The following FAM78B variants were observed in gnomAD, a reference collection of about 807,000 sequenced individuals.
FAM78B encodes family with sequence similarity 78 member B.
Under a neutral mutation model 20.0 loss-of-function variants are expected in FAM78B, and 10 were observed. That is an observed-to-expected ratio of 0.50 (90% CI 0.31 to 0.85). FAM78B has a LOEUF of 0.85. Ranked by LOEUF, FAM78B falls within the 40% of genes least tolerant of loss-of-function variation. The pLI, the probability that FAM78B is intolerant of heterozygous loss-of-function variation, is 0.05. For missense variants in FAM78B, 283 were observed against 345.0 expected (o/e 0.82, Z 1.42); for synonymous variants, 135 against 132.8 (o/e 1.02, Z -0.12).
intron 1 of FAM78B, among the ~76,000 whole-genome samples, chr1:166,117,770 A>G (rs1654314362): frequency 6.6e-6 from 1 of 152,148 alleles, no homozygotes; most frequent in Non-Finnish European, 1.5e-5. Context: ...ATGAATTGGG[A>G]CCTAGGGGCT....
intron 1 of FAM78B, among the ~76,000 whole-genome samples, chr1:166,079,697 T>C (rs879617611): frequency 6.6e-5 from 10 of 152,184 alleles, no homozygotes; most frequent in Non-Finnish European, 1.0e-4. Context: ...AATGTAAACA[T>C]AGCCTTCAGG....
Position 166,157,036 on chromosome 1 carries a change from AGGGG to A in FAM78B, c.263+8946_263+8949del, listed in dbSNP as rs796777949. Among the ~76,000 whole-genome samples the A allele has an allele frequency of 0.019, 18 of 946 alleles. 6 individuals are homozygous for A. The South Asian group carries it at 0.62, about 33-fold the overall frequency. The allele number at this position is 946 out of a possible 152,430, so 0.6% of individuals were successfully genotyped here. On this transcript the variant is annotated intron_variant, in intron 1 of 1. Coordinates refer to ENST00000354422, the MANE Select transcript of FAM78B (RefSeq NM_001017961.5). ...TGACATGACGTCAAGGGGGCGGCGG[AGGGG>A]GGGGGGGGGCTCCAATGCCTTCCTC... is the stretch of plus-strand genomic sequence containing the variant.
rs1654351103 is a variant in FAM78B, at chr1:166,118,646, A to G, written c.263+47340T>C. On this transcript the variant is annotated intron_variant, in intron 1 of 1. Coordinates refer to ENST00000354422, the MANE Select transcript of FAM78B (RefSeq NM_001017961.5). ...TATCACGGCAGAGCTGAGTGGTTGC[A>G]AAAGAGACCTTACAGCTCACTAAGC... Among the ~76,000 whole-genome samples, 3 of 152,152 alleles carry G rather than the reference A, an allele frequency of 2.0e-5. No individual in the cohort carries two copies. In the South Asian group the frequency reaches 6.2e-4, roughly 32 times the overall value.
chr1:166,089,415 C>A (rs1652977568), intron 1 of FAM78B, among the ~76,000 whole-genome samples: 1 of 152,036 alleles, frequency 6.6e-6, no homozygotes, highest in African/African-American at 2.4e-5. Flanking sequence ...CAGGTAGCGA[C>A]AAGGGGCAAG....
intron 1 of FAM78B, among the ~76,000 whole-genome samples, chr1:166,157,888 A>G (rs1349555150): frequency 6.6e-6 from 1 of 152,104 alleles, no homozygotes; most frequent in Non-Finnish European, 1.5e-5. Context: ...CCCTGCTCCC[A>G]AGGAATGTGC....
chr1:166,103,732 G>A (rs1256632636), intron 1 of FAM78B, among the ~76,000 whole-genome samples: 2 of 152,112 alleles, frequency 1.3e-5, no homozygotes, highest in African/African-American at 4.8e-5. Context: ...ACCAAAAAAA[G>A]TCCAGGTCCA....
chr1:166,105,471 A>C (rs1653734447), intron 1 of FAM78B, among the ~76,000 whole-genome samples: 1 of 152,206 alleles, frequency 6.6e-6, no homozygotes. Flanking sequence ...CAAAGGGCTA[A>C]TATCCAGAAT....
intron 1 of FAM78B, among the ~76,000 whole-genome samples, chr1:166,135,816 C>A (rs983786632): frequency 9.2e-5 from 14 of 152,288 alleles, no homozygotes; most frequent in African/African-American, 3.4e-4. Flanking sequence ...GAGGTCTATG[C>A]CGAAAGAATT....
intron 1 of FAM78B, among the ~76,000 whole-genome samples, chr1:166,109,411 C>G (rs183128662): frequency 3.4e-4 from 51 of 152,142 alleles, no homozygotes; most frequent in African/African-American, 1.2e-3. Context: ...TCAAAAAATG[C>G]TCAACATCAC....
At chr1:166,059,870 C>T (rs1023183277) in exon 3 of FAM78B, 2 of 152,064 alleles carry the variant, frequency 1.3e-5, no homozygotes, top group African/African-American at 2.4e-5. Flanking sequence ...TCTATGGGCC[C>T]AGGAAGACAA....
chr1:166,127,274 C>T (rs1434329695), intron 1 of FAM78B, among the ~76,000 whole-genome samples: 1 of 152,218 alleles, frequency 6.6e-6, no homozygotes, highest in South Asian at 2.1e-4. Context: ...AATCCATCTC[C>T]AAGTTCAATT....
At chr1:166,091,192 G>A (rs1246092352) in intron 1 of FAM78B, among the ~76,000 whole-genome samples, 1 of 152,124 alleles carries the variant, frequency 6.6e-6, no homozygotes, top group African/African-American at 2.4e-5. Flanking sequence ...AAGAGTGAGG[G>A]AAGTCAAGGC....
intron 1 of FAM78B, among the ~76,000 whole-genome samples, chr1:166,124,137 C>T (rs1272880412): frequency 1.3e-5 from 2 of 152,228 alleles, no homozygotes; most frequent in African/African-American, 2.4e-5. Context: ...CCAGCACACA[C>T]CAGTCTGCTT....
intron 1 of FAM78B, among the ~76,000 whole-genome samples, chr1:166,092,032 AT>A (rs11286787): frequency 0.73 from 92,489 of 125,876 alleles, 33,054 homozygotes; most frequent in African/African-American, 0.79. Flanking sequence ...TTGAGCCATC[AT>A]TTTTTTTTTT....
At chr1:166,160,275 C>T (rs981548793) in intron 1 of FAM78B, among the ~76,000 whole-genome samples, 11 of 152,214 alleles carry the variant, frequency 7.2e-5, no homozygotes, top group African/African-American at 2.4e-4. Flanking sequence ...GCTTGGGGGA[C>T]ATAACTGTAC....
intron 1 of FAM78B, among the ~76,000 whole-genome samples, chr1:166,085,693 G>A (rs565852980): frequency 1.3e-5 from 2 of 152,320 alleles, no homozygotes; most frequent in African/African-American, 4.8e-5. Flanking sequence ...CCTGGTTAGA[G>A]GCCTCAGTGA....
chr1:166,064,606 G>A (rs1161759138), downstream of FAM78B, among the ~76,000 whole-genome samples: 1 of 152,184 alleles, frequency 6.6e-6, no homozygotes, highest in Non-Finnish European at 1.5e-5. Flanking sequence ...CAAACAAGGT[G>A]GCTGGGGGAA....
At chr1:166,125,429 T>C (rs1452282249) in intron 1 of FAM78B, among the ~76,000 whole-genome samples, 1 of 152,192 alleles carries the variant, frequency 6.6e-6, no homozygotes, top group Non-Finnish European at 1.5e-5. Flanking sequence ...TGGCCAGTCA[T>C]TAAACACGGT....
intron 1 of FAM78B, among the ~76,000 whole-genome samples, chr1:166,079,732 G>C (rs1324998437): frequency 6.6e-6 from 1 of 152,160 alleles, no homozygotes; most frequent in Non-Finnish European, 1.5e-5. Flanking sequence ...TACTTGTCTA[G>C]GTAGGAGGAT....
Sources: gnomAD v4.1 joint callset for allele counts (sites outside exome capture counted in the v4.1 genomes callset) on GRCh38, gnomAD v4.1.1 for gene constraint, MANE v1.5 for transcripts, NCBI Gene and HGNC (gene_info 2026-07-23, HGNC 2026-07-21) for gene names.